The following PCDHA5 variants were observed in gnomAD, a reference collection of about 807,000 sequenced individuals.
PCDHA5 encodes the protein protocadherin alpha 5.
PCDHA5 carries 43 observed loss-of-function variants against 61.6 expected under a neutral mutation model. The observed-to-expected ratio is 0.70, with a 90% confidence interval of 0.55 to 0.90. The LOEUF (loss-of-function observed/expected upper bound fraction) is 0.90. PCDHA5 is among the 40% of genes least tolerant of loss of function. PCDHA5 has a pLI of 0.00. For synonymous variants in PCDHA5, 627 were observed against 543.9 expected (o/e 1.15, Z -2.13); for missense variants, 1,298 against 1,222.7 (o/e 1.06, Z -0.92).
chr5:140,865,248 G>C (rs2048793700), intron 1 of PCDHA5: 1 of 152,148 alleles, frequency 6.6e-6, no homozygotes, highest in Non-Finnish European at 1.5e-5. Context: ...ATTTATAGCT[G>C]TAAGGATGTG....
Position 140,856,487 on chromosome 5 carries a change from C to G in PCDHA5, c.2352+32360C>G, listed in dbSNP as rs1171656977. Reference sequence around the variant, plus strand: ...GCTCTCAATACCTGAATCCAGACTGCTTGACTCTCGATTTCCACTAGAAGG... The same window carrying G: ...GCTCTCAATACCTGAATCCAGACTGGTTGACTCTCGATTTCCACTAGAAGG... On this transcript the variant is annotated intron_variant, in intron 1 of 3. Coordinates refer to ENST00000529859, the MANE Select transcript of PCDHA5 (RefSeq NM_018908.3). 4 of 1,598,200 alleles carry G rather than the reference C, an allele frequency of 2.5e-6. No homozygotes were observed. The African/African-American group carries it at 5.4e-5, about 22-fold the overall frequency.
chr5:140,876,925 C>G (rs1554169109), intron 1 of PCDHA5: 1 of 1,613,838 alleles, frequency 6.2e-7, no homozygotes, highest in South Asian at 1.1e-5. Flanking sequence ...CGCGGACGCG[C>G]AGAAGAACGC....
intron 1 of PCDHA5, chr5:140,882,874 A>G (rs376046205): frequency 1.9e-6 from 3 of 1,614,108 alleles, no homozygotes; most frequent in Non-Finnish European, 2.5e-6. Context: ...CACTGGACAG[A>G]GAGGAAATTC....
At chr5:140,962,414 C>T (rs2095681226) in intron 1 of PCDHA5, among the ~76,000 whole-genome samples, 1 of 152,166 alleles carries the variant, frequency 6.6e-6, no homozygotes, top group African/African-American at 2.4e-5. Context: ...CCTGTCTCTC[C>T]CTTTTTATTG....
At chr5:140,975,053 A>C (rs2096651589) in intron 1 of PCDHA5, among the ~76,000 whole-genome samples, 1 of 152,144 alleles carries the variant, frequency 6.6e-6, no homozygotes, top group Admixed American at 6.5e-5. Flanking sequence ...GGAAGAATCT[A>C]CTATCGAGCT....
intron 1 of PCDHA5, among the ~76,000 whole-genome samples, chr5:140,827,215 A>G (rs1007618688): frequency 6.6e-6 from 1 of 152,212 alleles, no homozygotes; most frequent in Non-Finnish European, 1.5e-5. Flanking sequence ...GAACAATTAA[A>G]GGAAAGGATA....
intron 1 of PCDHA5, among the ~76,000 whole-genome samples, chr5:140,937,132 GGTT>G (rs2091356684): frequency 6.6e-6 from 1 of 151,434 alleles, no homozygotes. Context: ...CCGCCTCCCG[GGTT>G]CATGCCATTC....
chr5:140,889,978 A>C (rs1326390288), intron 1 of PCDHA5, among the ~76,000 whole-genome samples: 1 of 152,202 alleles, frequency 6.6e-6, no homozygotes, highest in Non-Finnish European at 1.5e-5. Flanking sequence ...TCCAGTCTCC[A>C]GTTGTCTTAG....
intron 1 of PCDHA5, among the ~76,000 whole-genome samples, chr5:140,886,721 G>A (rs2061104522): frequency 6.6e-6 from 1 of 151,592 alleles, no homozygotes; most frequent in Non-Finnish European, 1.5e-5. Context: ...AGCTACTTGG[G>A]AGGCTGAAGC....
intron 1 of PCDHA5, among the ~76,000 whole-genome samples, chr5:140,956,900 A>C (rs1004581720): frequency 6.6e-6 from 1 of 152,240 alleles, no homozygotes; most frequent in East Asian, 1.9e-4. Context: ...GAATATTCTT[A>C]AATGTATAAA....
chr5:140,873,933 T>C (rs1347981327), intron 1 of PCDHA5, among the ~76,000 whole-genome samples: 3 of 152,228 alleles, frequency 2.0e-5, no homozygotes. Context: ...AGTGCTGGGA[T>C]TACAGGTGTA....
intron 3 of PCDHA5, among the ~76,000 whole-genome samples, chr5:140,991,432 C>T (rs2153896288): frequency 6.6e-6 from 1 of 152,310 alleles, no homozygotes; most frequent in Non-Finnish European, 1.5e-5. Flanking sequence ...TAACCATAAA[C>T]TTCATGGCTT....
intron 1 of PCDHA5, chr5:140,883,880 C>A: frequency 6.2e-7 from 1 of 1,613,304 alleles, no homozygotes. Context: ...GGTGAGCGCG[C>A]GCGACTCTGG....
intron 1 of PCDHA5, chr5:140,928,707 C>T: frequency 6.2e-7 from 1 of 1,614,184 alleles, no homozygotes; most frequent in South Asian, 1.1e-5. Flanking sequence ...GGGCGTCTGA[C>T]TCTAGTCTCT....
At chr5:140,856,839 AC>A (rs1220009978) in intron 1 of PCDHA5, 1 of 1,592,554 alleles carries the variant, frequency 6.3e-7, no homozygotes, top group East Asian at 2.2e-5. Context: ...ATACGGCTCA[AC>A]GCTTCTGATT....
At chr5:140,926,564 A>T in intron 1 of PCDHA5, 1 of 243,746 alleles carries the variant, frequency 4.1e-6, no homozygotes, top group Non-Finnish European at 7.8e-6. Flanking sequence ...GCCCGCTGCT[A>T]CTGGAGACAG....
At chr5:140,978,782 A>C (rs782295456) in intron 1 of PCDHA5, 167 bp from the exon 2 acceptor site, 1 of 971,546 alleles carries the variant, frequency 1.0e-6, no homozygotes, top group African/African-American at 1.8e-5. Flanking sequence ...TTTTCTTCTA[A>C]AGTGCTATAT....
In PCDHA5 at chr5:140,857,482, G is replaced by A. The variant is rs782347083; in HGVS notation, c.2352+33355G>A. On this transcript the variant is annotated intron_variant, in intron 1 of 3. Transcript: ENST00000529859. ...GCTGCCACATCTTCACGGTGTCTGC[G>A]TGGGACGCGGACGCGCAGGAGAACG... 2.3e-5 allele frequency: 36 copies of A among 1,598,422 alleles called. 1 individual carries two copies. The highest frequency in any genetic ancestry group is 2.6e-5 in the Non-Finnish European group (30 of 1,167,890).
chr5:141,005,118 C>T (rs546410334), intron 3 of PCDHA5, among the ~76,000 whole-genome samples: 1 of 152,198 alleles, frequency 6.6e-6, no homozygotes, highest in South Asian at 2.1e-4. Flanking sequence ...CTTTAGGGAC[C>T]CCAAAAGTGC....
Sources: gnomAD v4.1 joint callset for allele counts (sites outside exome capture counted in the v4.1 genomes callset) on GRCh38, gnomAD v4.1.1 for gene constraint, MANE v1.5 for transcripts, NCBI Gene and HGNC (gene_info 2026-07-23, HGNC 2026-07-21) for gene names.